Variants in HDAC9 observed in about 807,000 individuals in gnomAD.
HDAC9 encodes the protein MEF-2 interacting transcription repressor (MITR) protein.
HDAC9 carries 41 observed loss-of-function variants against 139.4 expected under a neutral mutation model. That is an observed-to-expected ratio of 0.29 (90% CI 0.23 to 0.38). The LOEUF (loss-of-function observed/expected upper bound fraction) is 0.38, where lower values mean the gene tolerates loss of function less well. HDAC9 is among the 10% of genes least tolerant of loss of function. HDAC9 has a pLI of 1.00. For synonymous variants in HDAC9, 517 were observed against 476.2 expected, an observed-to-expected ratio of 1.09 and a Z score of -1.12; for missense variants, 1,147 against 1,297.0, an observed-to-expected ratio of 0.88 and a Z score of 1.78.
intron 1 of HDAC9, among the ~76,000 whole-genome samples, chr7:18,390,412 C>G (rs1004326493): frequency 6.6e-6 from 1 of 151,994 alleles, no homozygotes; most frequent in African/African-American, 2.4e-5. Flanking sequence ...TCCTAGAAAC[C>G]CTTAGGGTTT....
chr7:18,851,190 A>G (rs940169925), intron 21 of HDAC9, among the ~76,000 whole-genome samples: 2 of 152,166 alleles, frequency 1.3e-5, no homozygotes, highest in South Asian at 2.1e-4. Context: ...TATTCGCTCT[A>G]CTTTCTTGGG....
intron 2 of HDAC9, among the ~76,000 whole-genome samples, chr7:18,506,260 G>C (rs1799739196): frequency 6.6e-6 from 1 of 152,154 alleles, no homozygotes; most frequent in African/African-American, 2.4e-5. Flanking sequence ...TGGTAATGAT[G>C]TATCATGCTT....
chr7:18,664,133 A>G lies in HDAC9; in HGVS notation c.1468-2080A>G, dbSNP rs560901857. Reference sequence around the variant, plus strand: ...TTCTCCAGAATCTCAGTAGTGTCCAAAGTACTATGTATTAAAGAAAAGAAG... The same window carrying G: ...TTCTCCAGAATCTCAGTAGTGTCCAGAGTACTATGTATTAAAGAAAAGAAG... On this transcript the variant is annotated intron_variant, in intron 11 of 25. Transcript: ENST00000686413. 7.9e-5 allele frequency among the ~76,000 whole-genome samples: 12 copies of G among 152,268 alleles called. No individual in the cohort carries two copies. The East Asian group carries it at 2.3e-3, about 29-fold the overall frequency.
intron 13 of HDAC9, among the ~76,000 whole-genome samples, chr7:18,741,118 G>A (rs1052830397): frequency 8.5e-5 from 13 of 152,180 alleles, no homozygotes; most frequent in Admixed American, 1.3e-4. Flanking sequence ...GCTACAACAC[G>A]TTTTCCAGAA....
At chr7:18,216,042 C>G (rs1452019527) in intron 2 of HDAC9, among the ~76,000 whole-genome samples, 1 of 151,500 alleles carries the variant, frequency 6.6e-6, no homozygotes, top group Non-Finnish European at 1.5e-5. Context: ...TCAGTAAATA[C>G]CACAATTTTA....
chr7:18,544,434 A>C (rs964818053), intron 2 of HDAC9, among the ~76,000 whole-genome samples: 2 of 152,234 alleles, frequency 1.3e-5, no homozygotes, highest in African/African-American at 4.8e-5. Flanking sequence ...GATGCCAACC[A>C]GGCATCAATG....
intron 2 of HDAC9, among the ~76,000 whole-genome samples, chr7:18,243,807 C>A (rs988268013): frequency 1.3e-5 from 2 of 152,102 alleles, no homozygotes; most frequent in Non-Finnish European, 2.9e-5. Context: ...TTACGTTAAG[C>A]TTCCGTGAAA....
intron 21 of HDAC9, among the ~76,000 whole-genome samples, chr7:18,857,367 G>GTGTGTGTGTGTGTA (rs1472274377): frequency 6.6e-6 from 1 of 151,418 alleles, no homozygotes; most frequent in African/African-American, 2.4e-5. Context: ...GTGTGTGTAT[G>GTGTGTGTGTGTGTA]TATGTATGTA....
intron 23 of HDAC9, chr7:18,948,973 A>C (rs1782596200): frequency 2.6e-6 from 1 of 387,524 alleles, no homozygotes; most frequent in African/African-American, 2.1e-5. Context: ...TCTTCACATA[A>C]TTGATGAAAT....
intron 2 of HDAC9, among the ~76,000 whole-genome samples, chr7:18,226,506 G>A (rs978667873): frequency 1.3e-5 from 2 of 152,244 alleles, no homozygotes; most frequent in Middle Eastern, 3.4e-3. Context: ...TAAGTGTCAC[G>A]CTAGTAGTGC....
chr7:18,751,472 T>G (rs1348438984), intron 14 of HDAC9, among the ~76,000 whole-genome samples: 1 of 152,144 alleles, frequency 6.6e-6, no homozygotes, highest in Admixed American at 6.6e-5. Flanking sequence ...AAGATTATGT[T>G]GCCGATATTA....
At chr7:18,431,491 A>G (rs62446976) in intron 1 of HDAC9, among the ~76,000 whole-genome samples, 2,014 of 152,288 alleles carry the variant, frequency 0.013, 21 homozygotes, top group Non-Finnish European at 0.02. Context: ...AATCTGTTAT[A>G]CTTTAATTTT....
intron 16 of HDAC9, among the ~76,000 whole-genome samples, chr7:18,780,398 A>C (rs983479731): frequency 6.6e-6 from 1 of 152,064 alleles, no homozygotes; most frequent in African/African-American, 2.4e-5. Context: ...AGTCTTACAC[A>C]GTCTGTCTCC....
chr7:18,855,127 G>A (rs1344682363), intron 21 of HDAC9, among the ~76,000 whole-genome samples: 1 of 152,178 alleles, frequency 6.6e-6, no homozygotes, highest in Non-Finnish European at 1.5e-5. Context: ...AGCCGTCTCT[G>A]AAACCAGAGC....
chr7:18,714,763 T>A (rs944187073), intron 12 of HDAC9, among the ~76,000 whole-genome samples: 4 of 152,204 alleles, frequency 2.6e-5, no homozygotes, highest in Non-Finnish European at 5.9e-5. Context: ...TTTATAATTA[T>A]TTGTGTGGAA....
At chr7:18,536,459 A>G (rs935531028) in intron 2 of HDAC9, among the ~76,000 whole-genome samples, 1 of 152,234 alleles carries the variant, frequency 6.6e-6, no homozygotes, top group African/African-American at 2.4e-5. Context: ...ATTCCTCAAC[A>G]GGACATTATT....
intron 2 of HDAC9, among the ~76,000 whole-genome samples, chr7:18,523,546 C>G (rs1213028035): frequency 6.6e-6 from 1 of 152,032 alleles, no homozygotes; most frequent in Non-Finnish European, 1.5e-5. Flanking sequence ...ATCTTCGTGC[C>G]AAAATAGATG....
At chr7:18,302,075 A>G (rs1459311886) in intron 1 of HDAC9, among the ~76,000 whole-genome samples, 1 of 152,244 alleles carries the variant, frequency 6.6e-6, no homozygotes, top group Non-Finnish European at 1.5e-5. Flanking sequence ...CAGCCTTACC[A>G]TCAGTTGGTG....
intron 21 of HDAC9, among the ~76,000 whole-genome samples, chr7:18,871,211 C>G (rs932027319): frequency 6.6e-6 from 1 of 152,110 alleles, no homozygotes; most frequent in Non-Finnish European, 1.5e-5. Context: ...TCAGCTTTGG[C>G]CATTGAAAGT....
Sources: gnomAD v4.1 joint callset for allele counts (sites outside exome capture counted in the v4.1 genomes callset) on GRCh38, gnomAD v4.1.1 for gene constraint, MANE v1.5 for transcripts, NCBI Gene and HGNC (gene_info 2026-07-23, HGNC 2026-07-21) for gene names.